DLG2: variants seen among roughly 807,000 people sequenced by gnomAD.
The protein encoded by DLG2 is disks large homolog 2.
In DLG2, 45 loss-of-function variants were observed where a neutral mutation model predicts 132.5. The ratio of observed to expected loss-of-function variants is 0.34; its 90% CI spans 0.27 to 0.44. DLG2 has a LOEUF of 0.44. Ranked by LOEUF, DLG2 falls within the 20% of genes least tolerant of loss-of-function variation. The pLI is 1.00. For missense variants in DLG2, 1,045 were observed against 1,196.9 expected (o/e 0.87, Z 1.87); for synonymous variants, 424 against 419.6 (o/e 1.01, Z -0.13).
chr11:84,144,397 A>C (rs2094983707), intron 9 of DLG2, among the ~76,000 whole-genome samples: 1 of 152,120 alleles, frequency 6.6e-6, no homozygotes, highest in African/African-American at 2.4e-5. Flanking sequence ...CTTCGTGCTC[A>C]TAGAGAAGGG....
chr11:83,582,787 CTA>C (rs1181511434), intron 19 of DLG2, among the ~76,000 whole-genome samples: 1 of 152,188 alleles, frequency 6.6e-6, no homozygotes, highest in East Asian at 1.9e-4. Flanking sequence ...AAGCATTCTA[CTA>C]TATGTTTTAC....
chr11:84,631,293 TTATC>T (rs1565504192), intron 6 of DLG2, among the ~76,000 whole-genome samples: 3 of 152,036 alleles, frequency 2.0e-5, no homozygotes, highest in Non-Finnish European at 4.4e-5. Context: ...TAAGAAATGT[TTATC>T]TAATGAATGA....
At chr11:83,850,506 G>A (rs549751319) in intron 16 of DLG2, among the ~76,000 whole-genome samples, 1 of 152,080 alleles carries the variant, frequency 6.6e-6, no homozygotes, top group Non-Finnish European at 1.5e-5. Context: ...GAGAGATGGG[G>A]AGTGGGATAA....
intron 19 of DLG2, among the ~76,000 whole-genome samples, chr11:83,549,663 G>C (rs1354100886): frequency 2.0e-5 from 3 of 152,152 alleles, no homozygotes; most frequent in Non-Finnish European, 2.9e-5. Flanking sequence ...TGGGAGCAGA[G>C]AGATCTAAAC....
chr11:84,860,586 T>C (rs1361444497), intron 6 of DLG2, among the ~76,000 whole-genome samples: 2 of 152,142 alleles, frequency 1.3e-5, no homozygotes, highest in East Asian at 1.9e-4. Flanking sequence ...TACTTCCAAG[T>C]TGACTGGTAA....
At chr11:83,850,942 C>T (rs1465536993) in intron 16 of DLG2, among the ~76,000 whole-genome samples, 3 of 152,072 alleles carry the variant, frequency 2.0e-5, no homozygotes, top group Non-Finnish European at 2.9e-5. Context: ...TTTGGGAGGC[C>T]GAGGCGGGCA....
chr11:83,668,850 C>CAT (rs1160407915), intron 18 of DLG2, among the ~76,000 whole-genome samples: 4 of 130,024 alleles, frequency 3.1e-5, no homozygotes, highest in South Asian at 2.4e-4. Context: ...CACACACACA[C>CAT]ATATATATAT....
intron 15 of DLG2, among the ~76,000 whole-genome samples, chr11:83,915,136 G>A (rs79490465): frequency 0.018 from 2,782 of 152,262 alleles, 91 homozygotes; most frequent in African/African-American, 0.063. Flanking sequence ...AAGTGTACAG[G>A]AAAATAAGAT....
chr11:85,481,049 A>G (rs1321388207), intron 3 of DLG2, among the ~76,000 whole-genome samples: 1 of 152,154 alleles, frequency 6.6e-6, no homozygotes, highest in Non-Finnish European at 1.5e-5. Flanking sequence ...CACTTTCTTC[A>G]TATGTAAAAT....
intron 11 of DLG2, among the ~76,000 whole-genome samples, chr11:83,997,284 A>G (rs1333052122): frequency 6.6e-5 from 10 of 152,252 alleles, no homozygotes; most frequent in East Asian, 1.9e-4. Context: ...TTAAGCACCT[A>G]ACACATTTTT....
chr11:84,988,394 T>TG (rs1325932513), intron 6 of DLG2, among the ~76,000 whole-genome samples: 1 of 152,156 alleles, frequency 6.6e-6, no homozygotes. Context: ...AGTCGTTATA[T>TG]GAAAAAGATA....
chr11:85,476,020 G>A (rs773918482), intron 3 of DLG2, among the ~76,000 whole-genome samples: 1 of 152,072 alleles, frequency 6.6e-6, no homozygotes, highest in Non-Finnish European at 1.5e-5. Context: ...TATGTTCTGA[G>A]AAACATATCG....
At chr11:83,522,200 A>G (rs533451773) in intron 21 of DLG2, among the ~76,000 whole-genome samples, 6 of 152,016 alleles carry the variant, frequency 3.9e-5, no homozygotes, top group Non-Finnish European at 8.8e-5. Context: ...TTTTCTTCGG[A>G]CCCTTTCTTA....
chr11:83,601,550 C>T (rs1350044139), intron 19 of DLG2, among the ~76,000 whole-genome samples: 4 of 112,224 alleles, frequency 3.6e-5, no homozygotes, highest in East Asian at 3.0e-4. Flanking sequence ...CTCACTCTGT[C>T]GCCCAAGCTG....
chr11:83,948,684 T>C (rs1056678789), intron 14 of DLG2, among the ~76,000 whole-genome samples: 14 of 151,932 alleles, frequency 9.2e-5, no homozygotes, highest in African/African-American at 3.4e-4. Flanking sequence ...TGCATGTTAA[T>C]AGCATAAAGA....
intron 3 of DLG2, among the ~76,000 whole-genome samples, chr11:85,423,167 G>C (rs2090451698): frequency 6.6e-6 from 1 of 152,022 alleles, no homozygotes; most frequent in Non-Finnish European, 1.5e-5. Context: ...TTTTCCTATG[G>C]ATGTGGCTTC....
chr11:83,814,962 C>A (rs2048431481), intron 17 of DLG2: 1 of 167,052 alleles, frequency 6.0e-6, no homozygotes, highest in Non-Finnish European at 1.3e-5. Context: ...GTCCAGATTA[C>A]AGCCATTTCC....
At chr11:85,125,648 G>A (rs2075004317) in intron 5 of DLG2, among the ~76,000 whole-genome samples, 1 of 152,046 alleles carries the variant, frequency 6.6e-6, no homozygotes, top group African/African-American at 2.4e-5. Context: ...TGGGAACATG[G>A]ATATTAGAGT....
rs116045711 is a variant in DLG2, at chr11:84,464,384, C to T, written c.519+70186G>A. Among the ~76,000 whole-genome samples, 1,103 of 151,280 alleles carry T rather than the reference C, an allele frequency of 7.3e-3. 20 individuals are homozygous for T. Among genetic ancestry groups the T allele is most frequent in the African/African-American group, 0.025 (1,030 of 41,410 alleles). On this transcript the variant is annotated intron_variant, in intron 7 of 27. Transcript: ENST00000376104. ...CTTCTCAGTGTGGTGGTTTGCCAGA[C>T]AGTAAACATGAGTACTAACCCTAGC... is the stretch of plus-strand genomic sequence containing the variant.
Sources: gnomAD v4.1 joint callset for allele counts (sites outside exome capture counted in the v4.1 genomes callset) on GRCh38, gnomAD v4.1.1 for gene constraint, MANE v1.5 for transcripts, NCBI Gene and HGNC (gene_info 2026-07-23, HGNC 2026-07-21) for gene names.